CSF1R: variants seen among roughly 807,000 people sequenced by gnomAD.
CSF1R encodes colony stimulating factor 1 receptor.
CSF1R carries 40 observed loss-of-function variants against 110.0 expected under a neutral mutation model. The ratio of observed to expected loss-of-function variants is 0.36; its 90% CI spans 0.28 to 0.47. The LOEUF is 0.47. Among genes scored for constraint, CSF1R ranks in the 20% least tolerant of loss-of-function variants. The pLI is 0.99. For synonymous variants in CSF1R, 523 were observed against 503.4 expected, an observed-to-expected ratio of 1.04 and a Z score of -0.52; for missense variants, 1,052 against 1,253.0, an observed-to-expected ratio of 0.84 and a Z score of 2.42.
chr5:150,089,368 C>G (rs1388800610), upstream of CSF1R, among the ~76,000 whole-genome samples: 1 of 152,174 alleles, frequency 6.6e-6, no homozygotes, highest in East Asian at 1.9e-4. Context: ...ACAAATTCAG[C>G]AAACCTGCAG....
chr5:150,054,774 GCCAGGAGTT>G (rs928908446), intron 19 of CSF1R: 38 of 254,430 alleles, frequency 1.5e-4, no homozygotes, highest in African/African-American at 1.1e-3. Context: ...ATTGCATAAG[GCCAGGAGTT>G]CCAGACCAGC....
At chr5:150,074,654 AT>A (rs368190839) in intron 5 of CSF1R, among the ~76,000 whole-genome samples, 11 of 152,128 alleles carry the variant, frequency 7.2e-5, no homozygotes, top group African/African-American at 2.7e-4. Flanking sequence ...GGACTAGATG[AT>A]TTCTAAGAGC....
intron 1 of CSF1R, among the ~76,000 whole-genome samples, chr5:150,084,899 G>A (rs968345576): frequency 6.6e-6 from 1 of 152,220 alleles, no homozygotes; most frequent in East Asian, 1.9e-4. Flanking sequence ...GATGAAGGGG[G>A]TGGCGGGTAC....
Position 150,057,535 on chromosome 5 carries a change from G to A in CSF1R, c.2190C>T (p.Ser730=), listed in dbSNP as rs759826953. The change falls in exon 15 of 21, where the codon TCC becomes TCT. Residue 730 remains serine (S), a synonymous_variant. Coordinates refer to ENST00000675795, the MANE Select transcript of CSF1R (RefSeq NM_001288705.3). ...CAGAGAAGGAGTCATTTGAAGAAGT[G>A]GAGACAGGCCTCATCTCCACATAGG... is the stretch of plus-strand genomic sequence containing the variant. ...VDTYVEMRPV[S]TSSNDSFSEQ... The A allele has an allele frequency of 8.7e-6, 14 of 1,614,106 alleles. No individual in the cohort carries two copies. Among genetic ancestry groups the A allele is most frequent in the Non-Finnish European group, 1.1e-5 (13 of 1,180,046 alleles).
chr5:150,091,716 A>G (rs1759045115), intron 1 of CSF1R, among the ~76,000 whole-genome samples: 1 of 152,156 alleles, frequency 6.6e-6, no homozygotes, highest in Non-Finnish European at 1.5e-5. Flanking sequence ...TTTGTCCTAA[A>G]TGCCGTTGTA....
chr5:150,055,391 C>A, intron 18 of CSF1R, 55 bp from the exon 19 acceptor site: 1 of 1,423,564 alleles, frequency 7.0e-7, no homozygotes, highest in South Asian at 1.2e-5. Context: ...TCCCCATTCC[C>A]GCACACCCAC....
intron 1 of CSF1R, among the ~76,000 whole-genome samples, chr5:150,102,165 C>T (rs912161897): frequency 2.0e-5 from 3 of 152,044 alleles, no homozygotes; most frequent in African/African-American, 7.2e-5. Flanking sequence ...AGTGGGATCG[C>T]CGGGTCAAAG....
At chr5:150,055,968 G>C (rs1731169537) in intron 18 of CSF1R, 58 bp downstream of exon 18, 1 of 1,505,824 alleles carries the variant, frequency 6.6e-7, no homozygotes, top group East Asian at 2.3e-5. Flanking sequence ...TTGTCCACCA[G>C]TGGGGCAACC....
At chr5:150,097,582 A>T (rs2113859575) in intron 1 of CSF1R, among the ~76,000 whole-genome samples, 1 of 152,336 alleles carries the variant, frequency 6.6e-6, no homozygotes, top group African/African-American at 2.4e-5. Flanking sequence ...ACTTAGCAAG[A>T]TCACAGAATA....
intron 1 of CSF1R, among the ~76,000 whole-genome samples, chr5:150,096,209 G>A (rs1759218036): frequency 1.3e-5 from 2 of 152,166 alleles, no homozygotes; most frequent in African/African-American, 2.4e-5. Flanking sequence ...GGCCAACATG[G>A]TGAAACCCCA....
At chr5:150,106,307 G>T (rs2113868452) in intron 1 of CSF1R, among the ~76,000 whole-genome samples, 1 of 152,244 alleles carries the variant, frequency 6.6e-6, no homozygotes, top group East Asian at 1.9e-4. Context: ...GAAATGTGTG[G>T]GCCATGTCAC....
chr5:150,056,910 C>T (rs140650063), intron 16 of CSF1R, among the ~76,000 whole-genome samples: 1 of 152,250 alleles, frequency 6.6e-6, no homozygotes, highest in East Asian at 1.9e-4. Context: ...CTTCCTAGGC[C>T]GAGCGCACTT....
chr5:150,074,305 GTTTTTTT>G (rs35475636), intron 5 of CSF1R, among the ~76,000 whole-genome samples: 4,141 of 126,872 alleles, frequency 0.033, 217 homozygotes, highest in African/African-American at 0.12. Flanking sequence ...GTCCTGACTA[GTTTTTTT>G]TTTTTTTTTT....
Position 150,054,052 on chromosome 5 carries a change from T to A in CSF1R, c.*17A>T. ...AGTTTGTGGGAGGGGAGAGTGGTAC[T>A]CCCTGTCGTCAACTCCTCAGCAGAA... On this transcript the variant is annotated 3_prime_UTR_variant, in exon 21 of 21. Coordinates refer to ENST00000675795, the MANE Select transcript of CSF1R (RefSeq NM_001288705.3). 1 of 1,613,360 alleles carries A rather than the reference T, an allele frequency of 6.2e-7. No individual in the cohort carries two copies.
Position 150,080,991 on chromosome 5 carries a change from G to A in CSF1R, c.83C>T (p.Pro28Leu). ...TGCTCCTGGCTTCACGACCAGCTCA[G>A]GGACACTGGGCTCTATCACTGGGAT... The part of the protein sequence containing the change: ...QGIPVIEPSV[P>L]ELVVKPGATV... The change falls in exon 2 of 21, where the codon CCT becomes CTT. Residue 28 changes from proline to leucine, a missense_variant. Pro to Leu is a moderately conservative substitution (Grantham distance 98). Transcript: ENST00000675795. 3 of 1,613,952 alleles carry A rather than the reference G, an allele frequency of 1.9e-6. No individual in the cohort carries two copies. Among genetic ancestry groups the A allele is most frequent in the Non-Finnish European group, 2.5e-6 (3 of 1,179,872 alleles).
rs188136351 is a variant in CSF1R at position 150,096,215 on chromosome 5, C to T, written c.-180-9608G>A. On this transcript the variant is annotated intron_variant, in intron 1 of 21. Coordinates refer to the CSF1R transcript ENST00000286301. Reference sequence around the variant, plus strand: ...GACCAGCCTGGCCAACATGGTGAAACCCCATCTCTACTAAAAATACAAAAA... The same window carrying T: ...GACCAGCCTGGCCAACATGGTGAAATCCCATCTCTACTAAAAATACAAAAA... 2.0e-5 allele frequency among the ~76,000 whole-genome samples: 3 copies of T among 152,220 alleles called. No individual in the cohort carries two copies. The East Asian group carries it at 5.8e-4, about 29-fold the overall frequency.
chr5:150,053,931 TC>T lies in CSF1R; in HGVS notation c.*137del, dbSNP rs1757048607. ...CTGACCTCCCCTGAATCCCTCACCT[TC>T]CCAAGTTTCAGAGCTGGGCCGAGCT... On this transcript the variant is annotated 3_prime_UTR_variant, in exon 21 of 21. Transcript: ENST00000675795. 1.2e-6 allele frequency: 1 copy of T among 869,340 alleles called. No homozygotes were observed. The highest frequency in any genetic ancestry group is 1.8e-6 in the Non-Finnish European group (1 of 555,112). The allele number at this position is 869,340 out of a possible 1,614,324, so 53.9% of individuals were successfully genotyped here.
chr5:150,100,997 G>T (rs941276506), intron 1 of CSF1R, among the ~76,000 whole-genome samples: 1 of 151,610 alleles, frequency 6.6e-6, no homozygotes, highest in Non-Finnish European at 1.5e-5. Flanking sequence ...AAAGGAGATC[G>T]CATGAATGGT....
intron 1 of CSF1R, among the ~76,000 whole-genome samples, chr5:150,112,104 C>CCT (rs10640444): frequency 0.11 from 16,408 of 152,192 alleles, 1,332 homozygotes; most frequent in East Asian, 0.29. Context: ...GTTACCCACC[C>CCT]GTTTCTGGCT....
Sources: allele counts gnomAD v4.1 joint callset (sites outside exome capture counted in the v4.1 genomes callset), GRCh38; gene constraint gnomAD v4.1.1; transcripts MANE v1.5; gene names NCBI Gene and HGNC (gene_info 2026-07-23, HGNC 2026-07-21).